The following SUN1 variants were observed in gnomAD, a reference collection of about 807,000 sequenced individuals.
SUN1 encodes SUN domain-containing protein 1.
SUN1 carries 61 observed loss-of-function variants against 103.2 expected under a neutral mutation model. The ratio of observed to expected loss-of-function variants is 0.59; its 90% CI spans 0.48 to 0.73. The LOEUF is 0.73. SUN1 is among the 30% of genes least tolerant of loss of function. The pLI is 0.00. For missense variants in SUN1, 1,052 were observed against 1,034.6 expected, an observed-to-expected ratio of 1.02 and a Z score of -0.23; for synonymous variants, 490 against 425.7, an observed-to-expected ratio of 1.15 and a Z score of -1.86.
Position 818,146 on chromosome 7 carries a change from C to T in SUN1, c.-74+1473C>T, listed in dbSNP as rs141462888. ...TCACCACCTAGTTACATAACTTTTTCATCATCCCAGATGGAAACCCTATAC... is the reference window on the plus strand; with the variant it reads ...TCACCACCTAGTTACATAACTTTTTTATCATCCCAGATGGAAACCCTATAC... On this transcript the variant is annotated intron_variant, in intron 1 of 17. Transcript: ENST00000389574. Among the ~76,000 whole-genome samples the T allele has an allele frequency of 2.5e-3, 381 of 152,290 alleles. 5 individuals carry two copies. The highest frequency in any genetic ancestry group is 8.9e-3 in the African/African-American group (368 of 41,560).
At chr7:867,250 T>G (rs1585249769) in intron 16 of SUN1, among the ~76,000 whole-genome samples, 3 of 152,240 alleles carry the variant, frequency 2.0e-5, no homozygotes, top group African/African-American at 7.2e-5. Context: ...CCCTCCTCAC[T>G]GCAGGCAGAC....
chr7:846,056 T>C (rs920056081), intron 5 of SUN1, among the ~76,000 whole-genome samples: 9 of 152,196 alleles, frequency 5.9e-5, no homozygotes, highest in Non-Finnish European at 1.3e-4. Flanking sequence ...CTTTTCATTT[T>C]GTATGTTAAT....
At position 842,024 on chromosome 7, in the gene SUN1, C is replaced by G; in HGVS notation, c.345C>G (p.Gly115=). ...NHVSRQVTSS[G]VSHGGTVSLQ... ...TGTCAAGGCAGGTCACGTCCTCTGG[C>G]GTCAGCCACGGCGGCACTGTCAGCC... Residue 115 remains glycine (G), a synonymous_variant, in exon 3 of 19, where the codon GGC becomes GGG. Coordinates refer to ENST00000401592, the MANE Select transcript of SUN1 (RefSeq NM_001130965.3). 6.2e-7 allele frequency: 1 copy of G among 1,614,166 alleles called. No individual in the cohort carries two copies. Among genetic ancestry groups the G allele is most frequent in the Non-Finnish European group, 8.5e-7 (1 of 1,180,026 alleles).
At chr7:857,285 A>G (rs566585829) in intron 12 of SUN1, among the ~76,000 whole-genome samples, 4 of 152,298 alleles carry the variant, frequency 2.6e-5, no homozygotes, top group Non-Finnish European at 4.4e-5. Flanking sequence ...GAGCTGGAGC[A>G]CGGTTTTCTC....
chr7:835,194 T>C (rs1257730596), intron 1 of SUN1, among the ~76,000 whole-genome samples: 2 of 152,264 alleles, frequency 1.3e-5, no homozygotes, highest in Non-Finnish European at 2.9e-5. Flanking sequence ...ATGCGGGTCT[T>C]CCGCCCCCAC....
chr7:817,278 A>T, intron 1 of SUN1: 1 of 735,110 alleles, frequency 1.4e-6, no homozygotes, highest in Non-Finnish European at 2.3e-6. Context: ...TATTTTTTGT[A>T]GGGTTGTGGT....
chr7:852,619 A>G lies in SUN1; in HGVS notation c.862A>G (p.Asn288Asp). Residue 288 changes from asparagine (N) to aspartate (D), a missense_variant, in exon 8 of 19, where the codon AAC becomes GAC. Transcript: ENST00000401592. ...CATTGTTACTCCCAGGTGCCTTCGAAACATCTGCAAGTTTTTAGTCTTGCT... is the reference window on the plus strand; with the variant it reads ...CATTGTTACTCCCAGGTGCCTTCGAGACATCTGCAAGTTTTTAGTCTTGCT... ...NVFLLTRCLR[N>D]ICKFLVLLIP... 1 of 1,614,222 alleles carries G rather than the reference A, an allele frequency of 6.2e-7. No individual in the cohort carries two copies. The highest frequency in any genetic ancestry group is 2.2e-5 in the East Asian group (1 of 44,890).
intron 5 of SUN1, chr7:849,651 C>G (rs1273201661): frequency 6.5e-7 from 1 of 1,530,874 alleles, no homozygotes; most frequent in African/African-American, 1.4e-5. Context: ...GGAGTTGGTC[C>G]CACACGCTGT....
Position 841,980 on chromosome 7 carries a change from G to C in SUN1, c.301G>C (p.Ala101Pro). Residue 101 changes from alanine to proline, a missense_variant, in exon 3 of 19, where the codon GCT (alanine) becomes CCT (proline). Physicochemically the swap from Ala to Pro is conservative, Grantham distance 27. This residue lies in a region of SUN1 where 846 missense variants were observed against 774.5 expected (regional missense o/e 1.09). Transcript: ENST00000401592. ...ACAGCGCAGAAGCACAAACAAATCA[G>C]CTTTTAGTATCAACCACGTGTCAAG... ...TKQRRSTNKS[A>P]FSINHVSRQV... The C allele has an allele frequency of 6.2e-7, 1 of 1,614,128 alleles. No individual in the cohort carries two copies. The highest frequency in any genetic ancestry group is 2.2e-5 in the East Asian group (1 of 44,882).
intron 1 of SUN1, among the ~76,000 whole-genome samples, chr7:827,029 G>GT (rs1487700985): frequency 6.6e-6 from 1 of 152,098 alleles, no homozygotes; most frequent in Non-Finnish European, 1.5e-5. Context: ...TTTGTTTTTT[G>GT]TTTTTGTTTT....
intron 15 of SUN1, among the ~76,000 whole-genome samples, chr7:862,367 TA>T (rs2128472236): frequency 6.6e-6 from 1 of 152,228 alleles, no homozygotes; most frequent in South Asian, 2.1e-4. Flanking sequence ...CTAATCCCAT[TA>T]GTACGGGAGC....
chr7:853,286 T>G, intron 9 of SUN1, 123 bp from the exon 10 acceptor site: 14 of 1,117,198 alleles, frequency 1.3e-5, no homozygotes, highest in Non-Finnish European at 1.8e-5. Flanking sequence ...TGTGGATTCC[T>G]CCATTCGTGT....
upstream of SUN1, chr7:816,304 C>T (rs1450300375): frequency 1.4e-5 from 3 of 216,134 alleles, no homozygotes; most frequent in South Asian, 1.2e-4. Flanking sequence ...GTGCAGACCC[C>T]TCCCCTAAAT....
At chr7:816,553 T>C, upstream of SUN1, 1 of 385,376 alleles carries the variant, frequency 2.6e-6, no homozygotes, top group Non-Finnish European at 5.1e-6. Flanking sequence ...TCGGGACTGG[T>C]GAAGGCCTGC....
intron 16 of SUN1, among the ~76,000 whole-genome samples, chr7:866,404 G>A (rs1472587846): frequency 1.3e-5 from 2 of 152,110 alleles, no homozygotes; most frequent in South Asian, 2.1e-4. Context: ...CTTCCGTCAC[G>A]AGAGTGGCAG....
At chr7:853,374 G>T in intron 9 of SUN1, 35 bp from the exon 10 acceptor site, 1 of 1,609,888 alleles carries the variant, frequency 6.2e-7, no homozygotes, top group South Asian at 1.1e-5. Flanking sequence ...ATGCTTGTTT[G>T]ACTACCTGGT....
intron 5 of SUN1, among the ~76,000 whole-genome samples, chr7:844,283 C>T (rs889468630): frequency 6.6e-5 from 10 of 152,192 alleles, no homozygotes; most frequent in African/African-American, 2.4e-4. Context: ...GACCCTCGGC[C>T]GGGCCGGGTG....
chr7:853,658 A>G (rs775873248), intron 10 of SUN1, 40 bp downstream of exon 10: 10 of 1,587,638 alleles, frequency 6.3e-6, no homozygotes, highest in Non-Finnish European at 7.7e-6. Context: ...GGTGACACCA[A>G]CGCGCTTCTG....
At chr7:848,602 C>G in intron 5 of SUN1, 1 of 1,336,970 alleles carries the variant, frequency 7.5e-7, no homozygotes. Flanking sequence ...AGTCAAAAAG[C>G]CATGAATCAA....
Sources: gnomAD v4.1 joint callset for allele counts (sites outside exome capture counted in the v4.1 genomes callset) on GRCh38, gnomAD v4.1.1 for gene constraint, gnomAD v4.1.1 regional missense constraint, MANE v1.5 for transcripts, NCBI Gene and HGNC (gene_info 2026-07-23, HGNC 2026-07-21) for gene names.